CLCN5: variants seen among roughly 807,000 people sequenced by gnomAD.
CLCN5 encodes Cl-/H+ antiporter 5.
A neutral mutation model predicts 54.0 loss-of-function variants in CLCN5; 17 were observed. That is an observed-to-expected ratio of 0.31 (90% CI 0.22 to 0.47). The LOEUF (loss-of-function observed/expected upper bound fraction) is 0.47, where lower values mean the gene tolerates loss of function less well. Among genes scored for constraint, CLCN5 ranks in the 20% least tolerant of loss-of-function variants. The pLI is 1.00. For synonymous variants in CLCN5, 222 were observed against 233.0 expected (o/e 0.95, Z 0.43); for missense variants, 448 against 646.7 (o/e 0.69, Z 3.33).
chrX:49,993,740 A>G (rs1557179273), intron 3 of CLCN5, among the ~76,000 whole-genome samples: 1 of 112,064 alleles, frequency 8.9e-6, no homozygotes, highest in East Asian at 2.8e-4. Flanking sequence ...GACTTGAGCT[A>G]GCCTTTAAAG....
chrX:50,066,645 C>G (rs782108892), intron 4 of CLCN5, among the ~76,000 whole-genome samples: 1 of 111,664 alleles, frequency 9.0e-6, no homozygotes, highest in Non-Finnish European at 1.9e-5. Flanking sequence ...TTAATTAAGA[C>G]CTGCTTTAAA....
At chrX:49,988,125 CA>C in intron 3 of CLCN5, among the ~76,000 whole-genome samples, 1 of 111,342 alleles carries the variant, frequency 9.0e-6, no homozygotes. Flanking sequence ...TTTAGAGAAG[CA>C]AGGCCTTTTT....
chrX:49,923,188 C>T (rs1413315358), intron 1 of CLCN5, among the ~76,000 whole-genome samples: 1 of 113,266 alleles, frequency 8.8e-6, no homozygotes, highest in Non-Finnish European at 1.9e-5. Flanking sequence ...AGGCCCGGCT[C>T]TTCTCCCTCC....
At chrX:50,003,632 C>A in intron 3 of CLCN5, 1 of 316,023 alleles carries the variant, frequency 3.2e-6, no homozygotes, top group Non-Finnish European at 6.6e-6. Flanking sequence ...TACACATACG[C>A]ACTCCTTCAC....
chrX:50,076,522 C>T (rs1191425064), intron 7 of CLCN5, among the ~76,000 whole-genome samples: 6 of 110,871 alleles, frequency 5.4e-5, no homozygotes, highest in African/African-American at 1.3e-4. Context: ...TTCTAGCATA[C>T]GTTTTTGTTT....
chrX:50,054,203 C>T (rs868947211), intron 4 of CLCN5, among the ~76,000 whole-genome samples: 2 of 110,929 alleles, frequency 1.8e-5, no homozygotes, highest in African/African-American at 6.6e-5. Flanking sequence ...TCCTCCCTGC[C>T]CTCTACTCTC....
At chrX:50,055,845 T>C (rs1557188868) in intron 4 of CLCN5, among the ~76,000 whole-genome samples, 3 of 111,057 alleles carry the variant, frequency 2.7e-5, no homozygotes. Context: ...GACTTGCTTT[T>C]TTCATATAAT....
chrX:50,068,411 A>T (rs1405313258), intron 4 of CLCN5, among the ~76,000 whole-genome samples: 1 of 111,362 alleles, frequency 9.0e-6, no homozygotes, highest in Non-Finnish European at 1.9e-5. Context: ...GTCAGGTACG[A>T]ATGAAGATAT....
chrX:50,049,655 T>C (rs1186510022), intron 4 of CLCN5, among the ~76,000 whole-genome samples: 1 of 112,233 alleles, frequency 8.9e-6, no homozygotes, highest in Non-Finnish European at 1.9e-5. Context: ...GTGATGCAGT[T>C]AGATTCTTTT....
At chrX:49,926,044 C>A (rs1050903503) in intron 3 of CLCN5, among the ~76,000 whole-genome samples, 1 of 111,916 alleles carries the variant, frequency 8.9e-6, no homozygotes, top group African/African-American at 3.3e-5. Context: ...CAAACACTAC[C>A]AAAATTGGCC....
intron 3 of CLCN5, among the ~76,000 whole-genome samples, chrX:49,986,354 ATGG>A (rs2147349893): frequency 8.9e-6 from 1 of 111,829 alleles, no homozygotes; most frequent in African/African-American, 3.2e-5. Context: ...ATTTTAAAAA[ATGG>A]TGTATTTAAT....
Position 49,965,973 on chromosome X carries a change from G to A in CLCN5, c.16+40659G>A, listed in dbSNP as rs994636834. On this transcript the variant is annotated intron_variant, in intron 3 of 14. Coordinates refer to ENST00000376091, the MANE Select transcript of CLCN5 (RefSeq NM_001127898.4). Reference sequence around the variant, plus strand: ...TGAACCCCACTGGGTCTTGATTATCGGCTTTATATATTGTTGGATTTGCTA... The same window carrying A: ...TGAACCCCACTGGGTCTTGATTATCAGCTTTATATATTGTTGGATTTGCTA... Among the ~76,000 whole-genome samples, 5 of 111,506 alleles carry A rather than the reference G, an allele frequency of 4.5e-5. No individual in the cohort carries two copies. In the East Asian group the frequency reaches 8.4e-4, roughly 19 times the overall value.
At chrX:49,946,330 C>G (rs978213084) in intron 3 of CLCN5, among the ~76,000 whole-genome samples, 50 of 111,564 alleles carry the variant, frequency 4.5e-4, no homozygotes, top group African/African-American at 1.6e-3. Flanking sequence ...TGGTCCTCTG[C>G]TCAGGGTCTC....
Position 50,075,978 on chromosome X carries a change from A to T in CLCN5, c.599A>T (p.Asp200Val). 1 of 1,200,478 alleles carries T rather than the reference A, an allele frequency of 8.3e-7. No homozygotes were observed. Among genetic ancestry groups the T allele is most frequent in the Non-Finnish European group, 1.1e-6 (1 of 885,159 alleles). Residue 200 changes from aspartate to valine, a missense_variant, in exon 7 of 15, where the codon GAT becomes GTT. This residue lies in a region of CLCN5 where 40 missense variants were observed against 27.8 expected (regional missense o/e 1.44). Coordinates refer to ENST00000376091, the MANE Select transcript of CLCN5 (RefSeq NM_001127898.4). The stretch of plus-strand genomic sequence containing the variant: ...TGGTCCCAGCTTATCATCAGCACAG[A>T]TGAGGTAACATGTAGTGATGTTTTA... The part of the protein sequence containing the change: ...NSWSQLIIST[D>V]EGAFAYIVNY...
At chrX:50,077,619 A>AGTGT (rs1226546566) in intron 7 of CLCN5, among the ~76,000 whole-genome samples, 7 of 88,381 alleles carry the variant, frequency 7.9e-5, no homozygotes, top group African/African-American at 2.3e-4. Context: ...AGAGAGAGAG[A>AGTGT]GAGTGTGTGT....
At chrX:50,042,288 T>C (rs1159012901) in intron 3 of CLCN5, 28 bp from the exon 4 acceptor site, 2 of 912,242 alleles carry the variant, frequency 2.2e-6, no homozygotes, top group Non-Finnish European at 3.0e-6. Context: ...ATCATTGTTA[T>C]AAGCCTCCTA....
chrX:50,082,615 C>T (rs1018423819), intron 9 of CLCN5, among the ~76,000 whole-genome samples: 6 of 111,196 alleles, frequency 5.4e-5, no homozygotes, highest in Admixed American at 1.9e-4. Flanking sequence ...GCCTGGCTCA[C>T]GTCAAACTGT....
chrX:50,007,821 T>C lies in CLCN5; in HGVS notation c.17-34495T>C, dbSNP rs895122872. On this transcript the variant is annotated intron_variant, in intron 3 of 14. Transcript: ENST00000376091. ...TCTTGACACCATTTAAGAGGTAGGC[T>C]TTAAATTGTCCTCATTCTTCAAAAG... is the stretch of plus-strand genomic sequence containing the variant. 5.3e-5 allele frequency among the ~76,000 whole-genome samples: 6 copies of C among 112,415 alleles called. No individual in the cohort carries two copies. The South Asian group carries it at 1.9e-3, about 35-fold the overall frequency.
intron 4 of CLCN5, among the ~76,000 whole-genome samples, chrX:50,058,141 A>T (rs1932795316): frequency 9.0e-6 from 1 of 111,728 alleles, no homozygotes; most frequent in Non-Finnish European, 1.9e-5. Context: ...ACATTTTTTA[A>T]AGGGACTATT....
Sources: allele counts gnomAD v4.1 joint callset (sites outside exome capture counted in the v4.1 genomes callset), GRCh38; gene constraint gnomAD v4.1.1; regional missense constraint gnomAD v4.1.1; transcripts MANE v1.5; gene names NCBI Gene and HGNC (gene_info 2026-07-23, HGNC 2026-07-21).